The following SPATA7 variants were observed in gnomAD, a reference collection of about 807,000 sequenced individuals.
SPATA7 encodes spermatogenesis-associated protein 7.
A neutral mutation model predicts 51.8 loss-of-function variants in SPATA7; 43 were observed. That is an observed-to-expected ratio of 0.83 (90% CI 0.65 to 1.07). The LOEUF (loss-of-function observed/expected upper bound fraction) is 1.07, where lower values mean the gene tolerates loss of function less well. SPATA7 is among the 50% of genes least tolerant of loss of function. SPATA7 has a pLI of 0.00. For missense variants in SPATA7, 683 were observed against 701.3 expected, an observed-to-expected ratio of 0.97 and a Z score of 0.30; for synonymous variants, 230 against 252.8, an observed-to-expected ratio of 0.91 and a Z score of 0.86.
downstream of SPATA7, among the ~76,000 whole-genome samples, chr14:88,441,125 A>G (rs531476072): frequency 1.8e-3 from 275 of 152,180 alleles, 2 homozygotes; most frequent in South Asian, 0.027. Flanking sequence ...ATGGTCTCCA[A>G]TTCCATCTAG....
At chr14:88,391,741 A>G (rs55882099) in intron 2 of SPATA7, 6,580 of 444,550 alleles carry the variant, frequency 0.015, 371 homozygotes, top group African/African-American at 0.12. Context: ...TTTAAGGCAT[A>G]CCTGCCTTGT....
At chr14:88,466,533 T>C (rs919634436) in intron 4 of SPATA7, 16 of 152,266 alleles carry the variant, frequency 1.1e-4, no homozygotes, top group Admixed American at 9.8e-4. Context: ...AGCCCTAGAT[T>C]TGACATTTTG....
In SPATA7 at chr14:88,433,152, ATC is replaced by A. The variant is rs777069665; in HGVS notation, c.1102_1103del (p.Leu368GlufsTer4). The A allele has an allele frequency of 2.8e-5, 45 of 1,611,690 alleles. No homozygotes were observed. Among genetic ancestry groups the A allele is most frequent in the Non-Finnish European group, 3.6e-5 (43 of 1,179,318 alleles). ...TTTTACAGTGAAGAAGAACTGTTGT[ATC>A]TGAGTTTCATTGAAGATGTAACAGA... is the stretch of plus-strand genomic sequence containing the variant. On this transcript the variant is annotated frameshift_variant, in exon 10 of 12. Transcript: ENST00000393545. LOFTEE classifies it high-confidence loss of function.
At chr14:88,434,958 G>GT (rs1477843222) in intron 10 of SPATA7, among the ~76,000 whole-genome samples, 1 of 152,142 alleles carries the variant, frequency 6.6e-6, no homozygotes, top group Non-Finnish European at 1.5e-5. Context: ...GAAATTAGTT[G>GT]TTTTTTAAGA....
chr14:88,421,003 G>C (rs1244285941), intron 5 of SPATA7, among the ~76,000 whole-genome samples: 1 of 151,996 alleles, frequency 6.6e-6, no homozygotes, highest in East Asian at 1.9e-4. Context: ...TGTAGTCCCA[G>C]CTACTCGGGA....
chr14:88,389,101 A>C (rs2075665512), intron 1 of SPATA7, among the ~76,000 whole-genome samples: 1 of 152,232 alleles, frequency 6.6e-6, no homozygotes, highest in African/African-American at 2.4e-5. Context: ...AAAAACAAAA[A>C]CAAAAAAACA....
rs558466598 is a variant in SPATA7 at position 88,417,026 on chromosome 14, C to T, written c.372+182C>T. ...AACTACTCTGCCATTGGAAGGCAGA[C>T]ATAGACAGTACATAAATAAATGAGT... On this transcript the variant is annotated intron_variant, in intron 5 of 11. Transcript: ENST00000393545. 3.0e-4 allele frequency among the ~76,000 whole-genome samples: 45 copies of T among 152,228 alleles called. No individual in the cohort carries two copies. In the South Asian group the frequency reaches 8.5e-3, roughly 29 times the overall value.
At chr14:88,434,809 T>C (rs1264655203) in intron 10 of SPATA7, among the ~76,000 whole-genome samples, 1 of 152,138 alleles carries the variant, frequency 6.6e-6, no homozygotes, top group East Asian at 1.9e-4. Context: ...TAGTAGTGAA[T>C]ATTCTAAAAT....
At chr14:88,386,076 C>CCTGT (rs1229108195) in intron 1 of SPATA7, 1 of 1,404,248 alleles carries the variant, frequency 7.1e-7, no homozygotes, top group African/African-American at 1.4e-5. Context: ...ACCAGGGGCC[C>CCTGT]CTGTCTCCTG....
exon 5 of SPATA7, chr14:88,470,199 A>G (rs759981859): frequency 4.6e-5 from 32 of 701,770 alleles, no homozygotes; most frequent in Non-Finnish European, 6.9e-5. Context: ...GAATAAGGAA[A>G]GACTTTTCAT....
chr14:88,461,829 C>A (rs144035832), intron 4 of SPATA7, among the ~76,000 whole-genome samples: 1 of 152,118 alleles, frequency 6.6e-6, no homozygotes, highest in Non-Finnish European at 1.5e-5. Flanking sequence ...TGGAGCTGTT[C>A]CTATTTGGCT....
intron 4 of SPATA7, among the ~76,000 whole-genome samples, chr14:88,396,896 G>C (rs143091966): frequency 7.3e-6 from 1 of 136,666 alleles, no homozygotes; most frequent in East Asian, 2.1e-4. Flanking sequence ...TTTGAGACAG[G>C]GTCTCACTCT....
At chr14:88,392,893 T>G (rs1262946232) in intron 2 of SPATA7, among the ~76,000 whole-genome samples, 4 of 152,150 alleles carry the variant, frequency 2.6e-5, no homozygotes, top group Non-Finnish European at 2.9e-5. Context: ...TAAGATAGTT[T>G]TAGTACTTCA....
intron 4 of SPATA7, among the ~76,000 whole-genome samples, chr14:88,415,422 T>C (rs888101566): frequency 6.6e-6 from 1 of 152,132 alleles, no homozygotes; most frequent in Non-Finnish European, 1.5e-5. Context: ...TCACTTTACT[T>C]CAGGCCTATA....
intron 3 of SPATA7, among the ~76,000 whole-genome samples, chr14:88,395,761 G>T (rs953837952): frequency 6.6e-6 from 1 of 151,930 alleles, no homozygotes; most frequent in East Asian, 1.9e-4. Context: ...TTAACTCCTT[G>T]GTTCTGTTGA....
chr14:88,468,862 C>T, intron 4 of SPATA7: 5 of 1,609,782 alleles, frequency 3.1e-6, no homozygotes, highest in Non-Finnish European at 3.4e-6. Context: ...ATGTCCCTCT[C>T]TTCCCCAGCC....
Position 88,462,651 on chromosome 14 carries a change from T to C in SPATA7, c.255-7196T>C, listed in dbSNP as rs182784869. On this transcript the variant is annotated intron_variant, in intron 4 of 4. Coordinates refer to the SPATA7 transcript ENST00000556406. ...CACTGAAATTATGTCGCTTGTGTAC[T>C]GCTATATCCAGTGCAGCTACACCAC... 1.8e-4 allele frequency among the ~76,000 whole-genome samples: 28 copies of C among 152,362 alleles called. 1 individual carries two copies. Among genetic ancestry groups the C allele is most frequent in the South Asian group, 1.0e-3 (5 of 4,832 alleles).
At chr14:88,464,473 G>GTA (rs2077340777) in intron 4 of SPATA7, among the ~76,000 whole-genome samples, 1 of 152,190 alleles carries the variant, frequency 6.6e-6, no homozygotes, top group South Asian at 2.1e-4. Flanking sequence ...GCTCATGCCT[G>GTA]TAATCCCAGC....
At chr14:88,386,933 A>T (rs2075596276) in intron 1 of SPATA7, among the ~76,000 whole-genome samples, 1 of 152,218 alleles carries the variant, frequency 6.6e-6, no homozygotes, top group Admixed American at 6.5e-5. Flanking sequence ...AGGTTTCAGA[A>T]AAAGCAAATC....
Sources: gnomAD v4.1 joint callset for allele counts (sites outside exome capture counted in the v4.1 genomes callset) on GRCh38, gnomAD v4.1.1 for gene constraint, MANE v1.5 for transcripts, NCBI Gene and HGNC (gene_info 2026-07-23, HGNC 2026-07-21) for gene names.